The following ITPRIP variants were observed in gnomAD, a reference collection of about 807,000 sequenced individuals.
ITPRIP encodes the protein inositol 1,4,5-trisphosphate receptor interacting protein.
In ITPRIP, 32 loss-of-function variants were observed where a neutral mutation model predicts 35.8. That is an observed-to-expected ratio of 0.89 (90% CI 0.68 to 1.20). The LOEUF (loss-of-function observed/expected upper bound fraction) is 1.20, where lower values mean the gene tolerates loss of function less well. Ranked by LOEUF, ITPRIP falls within the 50% of genes most tolerant of loss-of-function variation. The probability of loss-of-function intolerance (pLI) is 0.00; values close to 1 mark genes in which losing one functional copy is unlikely to be tolerated. For missense variants in ITPRIP, 653 were observed against 735.6 expected, an observed-to-expected ratio of 0.89 and a Z score of 1.30; for synonymous variants, 358 against 324.0, an observed-to-expected ratio of 1.11 and a Z score of -1.13.
chr10:104,315,739 G>A lies in ITPRIP; in HGVS notation c.313C>T (p.Gln105Ter), dbSNP rs1028106492. The change falls in exon 2 of 2, where the codon CAG becomes TAG. Residue 105 changes from glutamine to a stop codon, truncating the protein, a stop_gained. Transcript: ENST00000337478. LOFTEE classifies it high-confidence loss of function. The surrounding 1 kb of genome is among the most constrained non-coding windows in gnomAD (Gnocchi z 5.7). ...ILFLMIEVWR[Q>*]DHQEGPSPEC... ...GGTGAGGGCCCCTCCTGGTGGTCCT[G>A]CCGCCACACCTCGATCATCAGGAAG... 6.8e-6 allele frequency: 11 copies of A among 1,613,636 alleles called. No individual in the cohort carries two copies. Among genetic ancestry groups the A allele is most frequent in the Non-Finnish European group, 7.6e-6 (9 of 1,179,998 alleles).
intron 1 of ITPRIP, among the ~76,000 whole-genome samples, chr10:104,335,484 C>T (rs762331371): frequency 2.6e-5 from 4 of 152,184 alleles, no homozygotes; most frequent in Non-Finnish European, 4.4e-5. Context: ...GGCACTTACT[C>T]ATCACCCTCA....
intron 1 of ITPRIP, among the ~76,000 whole-genome samples, chr10:104,318,057 G>C (rs1490475185): frequency 6.6e-6 from 1 of 152,220 alleles, no homozygotes; most frequent in African/African-American, 2.4e-5. Context: ...TCCACTGGAG[G>C]AGGAAAGCGG....
chr10:104,316,742 C>T (rs960623486), intron 1 of ITPRIP, among the ~76,000 whole-genome samples: 2 of 152,176 alleles, frequency 1.3e-5, no homozygotes, highest in African/African-American at 2.4e-5. Context: ...GTTTGAGTGG[C>T]CTTTCCACCA....
intron 1 of ITPRIP, among the ~76,000 whole-genome samples, chr10:104,334,967 G>C (rs1405974592): frequency 6.6e-6 from 1 of 152,230 alleles, no homozygotes; most frequent in Non-Finnish European, 1.5e-5. Context: ...AGCTTTCTCA[G>C]GGTGAATCAG....
intron 1 of ITPRIP, among the ~76,000 whole-genome samples, chr10:104,325,088 C>CA (rs1245155727): frequency 1.3e-5 from 2 of 152,204 alleles, no homozygotes; most frequent in Non-Finnish European, 2.9e-5. Context: ...GGCGTGGTGG[C>CA]ACATGCCTGT....
At position 104,315,923 on chromosome 10, in the gene ITPRIP, C is replaced by T. The variant is rs753782022; in HGVS notation, c.129G>A (p.Ala43=). The change falls in exon 2 of 2, where the codon GCG becomes GCA. Residue 43 remains alanine, a synonymous_variant. Coordinates refer to ENST00000337478, the MANE Select transcript of ITPRIP (RefSeq NM_001272013.2). The surrounding 1 kb of genome is among the most constrained non-coding windows in gnomAD (Gnocchi z 5.7). ...GCTCCAGCTGCAGCTTCTCCTGGTG[C>T]GCCTGCATCTTGCGGATGATCTCCT... is the stretch of plus-strand genomic sequence containing the variant. ...NEEEIIRKMQ[A]HQEKLQLEQL... is the part of the protein sequence containing the mutation. 2.4e-5 allele frequency: 39 copies of T among 1,613,886 alleles called. No homozygotes were observed. In the East Asian group the frequency reaches 3.3e-4, roughly 14 times the overall value.
chr10:104,325,296 A>G (rs2013968544), intron 1 of ITPRIP, among the ~76,000 whole-genome samples: 1 of 152,104 alleles, frequency 6.6e-6, no homozygotes, highest in Non-Finnish European at 1.5e-5. Context: ...ACCCCCCATG[A>G]AGCGTTCCTC....
chr10:104,313,513 T>C lies in ITPRIP; in HGVS notation c.*895A>G, dbSNP rs2013543025. The C allele has an allele frequency of 3.0e-6, 3 of 985,616 alleles. No homozygotes were observed. The highest frequency in any genetic ancestry group is 3.6e-6 in the Non-Finnish European group (3 of 830,070). 61.1% of individuals were successfully genotyped at this position (985,616 alleles called of 1,614,324 possible). On this transcript the variant is annotated 3_prime_UTR_variant, in exon 2 of 2. Coordinates refer to ENST00000337478, the MANE Select transcript of ITPRIP (RefSeq NM_001272013.2). ...TTGCCACAGTCACCCCGTGTGTCTC[T>C]TTCTCCAGGTCAGCTTCCACCTTTA...
Position 104,313,893 on chromosome 10 carries a change from C to T in ITPRIP, c.*515G>A, listed in dbSNP as rs915619584. On this transcript the variant is annotated 3_prime_UTR_variant, in exon 2 of 2. Transcript: ENST00000337478. ...GGTGGGACCACTATTGTGCAGGATG[C>T]GGATCAAAGGTGGACATTCCCATAT... is the stretch of plus-strand genomic sequence containing the variant. 1.1e-5 allele frequency: 11 copies of T among 986,814 alleles called. No homozygotes were observed. Among genetic ancestry groups the T allele is most frequent in the African/African-American group, 3.5e-5 (2 of 57,206 alleles). The allele number at this position is 986,814 out of a possible 1,614,324, so 61.1% of individuals were successfully genotyped here. A position where few individuals can be genotyped will look rare whatever the true frequency, so the allele number is the denominator to read the frequency against.
At chr10:104,316,367 C>A (rs887713609) in intron 1 of ITPRIP, among the ~76,000 whole-genome samples, 14 of 152,186 alleles carry the variant, frequency 9.2e-5, no homozygotes, top group Admixed American at 9.2e-4. Flanking sequence ...ATATACCCAC[C>A]TCCAAGCTCC....
chr10:104,334,253 G>C (rs956689878), intron 1 of ITPRIP, among the ~76,000 whole-genome samples: 3 of 152,224 alleles, frequency 2.0e-5, no homozygotes, highest in Non-Finnish European at 4.4e-5. Flanking sequence ...CAGGCTGCCT[G>C]AGGCAGCCGA....
At chr10:104,324,744 G>A (rs1329173525) in intron 1 of ITPRIP, among the ~76,000 whole-genome samples, 1 of 152,182 alleles carries the variant, frequency 6.6e-6, no homozygotes, top group Non-Finnish European at 1.5e-5. Context: ...TGAGAGGAGG[G>A]GACACTGGTC....
intron 1 of ITPRIP, among the ~76,000 whole-genome samples, chr10:104,335,603 T>C (rs750986405): frequency 5.3e-5 from 8 of 152,218 alleles, no homozygotes; most frequent in Non-Finnish European, 1.0e-4. Context: ...GGCTTGCCTC[T>C]TTTCTTTCCT....
intron 1 of ITPRIP, among the ~76,000 whole-genome samples, chr10:104,330,078 C>T (rs781602235): frequency 6.6e-6 from 1 of 152,188 alleles, no homozygotes; most frequent in Non-Finnish European, 1.5e-5. Flanking sequence ...CAGCAGCACC[C>T]TCCCTTACTC....
Position 104,315,354 on chromosome 10 carries a change from A to G in ITPRIP, c.698T>C (p.Val233Ala), listed in dbSNP as rs2013635492. 2 of 1,562,700 alleles carry G rather than the reference A, an allele frequency of 1.3e-6. No homozygotes were observed. The highest frequency in any genetic ancestry group is 1.2e-5 in the South Asian group (1 of 82,542). ...HPELWCSGRS[V>A]PLDRQGYGQI... is the part of the protein sequence containing the mutation. Reference sequence around the variant, plus strand: ...GCCGTAGCCCTGGCGATCCAGGGGCACTGAGCGGCCGGAGCACCAGAGCTC... The same window carrying G: ...GCCGTAGCCCTGGCGATCCAGGGGCGCTGAGCGGCCGGAGCACCAGAGCTC... Residue 233 changes from valine to alanine, a missense_variant, in exon 2 of 2, where the codon GTG becomes GCG. Transcript: ENST00000337478. This position sits in a 1 kb window ranked among gnomAD's most constrained non-coding sequence, Gnocchi z 5.7.
chr10:104,336,482 GTTA>G (rs2014234998), intron 1 of ITPRIP, among the ~76,000 whole-genome samples: 1 of 95,972 alleles, frequency 1.0e-5, no homozygotes, highest in Non-Finnish European at 2.0e-5. Context: ...CTCCTGCCCA[GTTA>G]TTTTTTTTTG....
Position 104,314,597 on chromosome 10 carries a change from AG to A in ITPRIP, c.1454del (p.Pro485LeufsTer143). On this transcript the variant is annotated frameshift_variant, in exon 2 of 2. Transcript: ENST00000337478. LOFTEE classifies it high-confidence loss of function. ...HHFFIGNRKV[P>X]EAMGLPEAVL... ...CGGCCTCAGGGAGTCCCATGGCCTC[AG>A]GCACCTTGCGGTTGCCGATGAAGAA... 6.2e-7 allele frequency: 1 copy of A among 1,614,200 alleles called. No homozygotes were observed. The highest frequency in any genetic ancestry group is 8.5e-7 in the Non-Finnish European group (1 of 1,180,038).
At position 104,315,587 on chromosome 10, in the gene ITPRIP, G is replaced by A. The variant is rs1424956579; in HGVS notation, c.465C>T (p.Ala155=). ...FYERCIRGAT[A]DAARTREFLE... ...GGAACTCCCGGGTACGGGCTGCATC[G>A]GCCGTGGCCCCCCGGATGCAGCGCT... Residue 155 remains alanine, a synonymous_variant, in exon 2 of 2, where the codon GCC becomes GCT. Coordinates refer to ENST00000337478, the MANE Select transcript of ITPRIP (RefSeq NM_001272013.2). The surrounding 1 kb of genome is among the most constrained non-coding windows in gnomAD (Gnocchi z 5.7). 3 of 1,613,754 alleles carry A rather than the reference G, an allele frequency of 1.9e-6. No homozygotes were observed. The highest frequency in any genetic ancestry group is 8.5e-7 in the Non-Finnish European group (1 of 1,180,004).
In ITPRIP at chr10:104,322,033, C is replaced by A. The variant is rs543262660; in HGVS notation, c.-13-5969G>T. 5.3e-5 allele frequency among the ~76,000 whole-genome samples: 8 copies of A among 152,220 alleles called. No homozygotes were observed. In the South Asian group the frequency reaches 1.7e-3, roughly 32 times the overall value. On this transcript the variant is annotated intron_variant, in intron 1 of 1. Transcript: ENST00000337478. ...GGTAGACAGCCACTACGTATGGAGTCCCCAGACAGAATGAGATGTGGGGCA... is the reference window on the plus strand; with the variant it reads ...GGTAGACAGCCACTACGTATGGAGTACCCAGACAGAATGAGATGTGGGGCA...
Sources: allele counts gnomAD v4.1 joint callset (sites outside exome capture counted in the v4.1 genomes callset), GRCh38; gene constraint gnomAD v4.1.1; non-coding constraint Gnocchi (gnomAD v3.1); transcripts MANE v1.5; gene names NCBI Gene and HGNC (gene_info 2026-07-23, HGNC 2026-07-21).